The following CNTNAP2 variants were observed in gnomAD, a reference collection of about 807,000 sequenced individuals.
CNTNAP2 encodes contactin-associated protein-like 2.
Under a neutral mutation model 155.2 loss-of-function variants are expected in CNTNAP2, and 98 were observed. The observed-to-expected ratio is 0.63, with a 90% CI of 0.54 to 0.75. The LOEUF (loss-of-function observed/expected upper bound fraction) is 0.75. CNTNAP2 is among the 30% of genes least tolerant of loss of function. The pLI is 0.00. For missense variants in CNTNAP2, 1,727 were observed against 1,688.1 expected (o/e 1.02, Z -0.40); for synonymous variants, 651 against 631.2 (o/e 1.03, Z -0.47).
intron 2 of CNTNAP2, among the ~76,000 whole-genome samples, chr7:146,790,854 C>T (rs1003614209): frequency 2.0e-5 from 3 of 152,006 alleles, no homozygotes; most frequent in Middle Eastern, 3.2e-3. Context: ...CAGGCGTGAG[C>T]CACCACGCCT....
intron 10 of CNTNAP2, among the ~76,000 whole-genome samples, chr7:147,411,543 A>T (rs1157748389): frequency 6.6e-6 from 1 of 152,156 alleles, no homozygotes; most frequent in African/African-American, 2.4e-5. Flanking sequence ...GCGATCCGAG[A>T]CCCAGACTCA....
chr7:146,319,835 GGCTGTGTTGTCA>G (rs111715562), intron 1 of CNTNAP2, among the ~76,000 whole-genome samples: 10,031 of 152,114 alleles, frequency 0.066, 919 homozygotes, highest in African/African-American at 0.2. Flanking sequence ...GTTCGGGCAT[GGCTGTGTTGTCA>G]GCTGCTGACT....
In CNTNAP2 at chr7:146,444,904, G is replaced by A. The variant is rs533641951; in HGVS notation, c.97+327931G>A. ...ACTCCTGGCCTCAAGTAATCCACCCGCCTCGGCCTCCCAAAATGCTGGGAT... is the reference window on the plus strand; with the variant it reads ...ACTCCTGGCCTCAAGTAATCCACCCACCTCGGCCTCCCAAAATGCTGGGAT... On this transcript the variant is annotated intron_variant, in intron 1 of 23. Transcript: ENST00000361727. Among the ~76,000 whole-genome samples, 144 of 151,468 alleles carry A rather than the reference G, an allele frequency of 9.5e-4. 1 individual carries two copies. The highest frequency in any genetic ancestry group is 5.0e-3 in the South Asian group (24 of 4,772).
At chr7:146,721,181 ATATATATTCTCTATATATATTCTCTG>A (rs1801295413) in intron 1 of CNTNAP2, among the ~76,000 whole-genome samples, 1 of 132,616 alleles carries the variant, frequency 7.5e-6, no homozygotes, top group East Asian at 2.2e-4. Context: ...TATATTCCAT[ATATATATTCTCTATATATATTCTCTG>A]TATATATTCT....
intron 8 of CNTNAP2, among the ~76,000 whole-genome samples, chr7:147,144,893 A>C (rs1563092519): frequency 6.6e-6 from 1 of 152,160 alleles, no homozygotes; most frequent in Admixed American, 6.5e-5. Context: ...TGTGTGCAGG[A>C]GTACATGCAT....
At chr7:147,173,284 C>T (rs991277101) in intron 8 of CNTNAP2, among the ~76,000 whole-genome samples, 1 of 147,622 alleles carries the variant, frequency 6.8e-6, no homozygotes, top group South Asian at 2.1e-4. Context: ...CCAAGTCCTA[C>T]TTTTTTTTTT....
chr7:146,209,113 A>T (rs560423237), intron 1 of CNTNAP2, among the ~76,000 whole-genome samples: 1 of 152,240 alleles, frequency 6.6e-6, no homozygotes, highest in South Asian at 2.1e-4. Flanking sequence ...TCTGTAGGTG[A>T]TGCTGTCGCC....
At chr7:147,287,804 A>G (rs1399757949) in intron 8 of CNTNAP2, among the ~76,000 whole-genome samples, 2 of 152,072 alleles carry the variant, frequency 1.3e-5, no homozygotes, top group African/African-American at 4.8e-5. Flanking sequence ...TTACAGATCT[A>G]TTTCTCAAAC....
chr7:146,451,952 A>G (rs1302986660), intron 1 of CNTNAP2, among the ~76,000 whole-genome samples: 2 of 150,848 alleles, frequency 1.3e-5, no homozygotes, highest in African/African-American at 4.9e-5. Flanking sequence ...TCTGTCACCC[A>G]GGCTGGAGTG....
chr7:147,591,789 G>A (rs1167657638), intron 12 of CNTNAP2, among the ~76,000 whole-genome samples: 1 of 152,050 alleles, frequency 6.6e-6, no homozygotes, highest in Non-Finnish European at 1.5e-5. Context: ...TCAAAGAACT[G>A]CACCATCTGC....
At chr7:146,663,810 T>A (rs1800137663) in intron 1 of CNTNAP2, among the ~76,000 whole-genome samples, 5 of 152,200 alleles carry the variant, frequency 3.3e-5, no homozygotes, top group Admixed American at 3.3e-4. Context: ...AAGAAAATTT[T>A]ATGTTTGCTC....
chr7:146,329,794 G>T (rs1471504099), intron 1 of CNTNAP2, among the ~76,000 whole-genome samples: 1 of 151,962 alleles, frequency 6.6e-6, no homozygotes. Context: ...TAACTTGAAG[G>T]CATTCTATGT....
chr7:147,807,454 A>G (rs766324993), intron 13 of CNTNAP2, among the ~76,000 whole-genome samples: 17 of 152,150 alleles, frequency 1.1e-4, no homozygotes, highest in Non-Finnish European at 2.1e-4. Flanking sequence ...AAAATATTGC[A>G]TGTGTCCCAT....
intron 15 of CNTNAP2, among the ~76,000 whole-genome samples, chr7:148,052,940 G>A (rs527890311): frequency 3.3e-4 from 50 of 152,198 alleles, no homozygotes; most frequent in African/African-American, 9.9e-4. Flanking sequence ...CCAGCTACTC[G>A]GGAGGCTGAG....
chr7:147,485,794 T>C, intron 10 of CNTNAP2, 141 bp from the exon 11 acceptor site: 1 of 786,920 alleles, frequency 1.3e-6, no homozygotes, highest in African/African-American at 1.7e-5. Flanking sequence ...CATATTAATC[T>C]GCTTAAACTA....
chr7:146,715,364 C>A (rs1367843689), intron 1 of CNTNAP2, among the ~76,000 whole-genome samples: 1 of 152,080 alleles, frequency 6.6e-6, no homozygotes. Context: ...TCTATGGAGT[C>A]AAAGATACTG....
At chr7:146,815,245 A>G (rs1395522494) in intron 2 of CNTNAP2, among the ~76,000 whole-genome samples, 1 of 152,166 alleles carries the variant, frequency 6.6e-6, no homozygotes. Flanking sequence ...ATTCAGTAGA[A>G]GACATAAGTT....
At chr7:147,832,333 T>C (rs1365230544) in intron 13 of CNTNAP2, among the ~76,000 whole-genome samples, 2 of 146,554 alleles carry the variant, frequency 1.4e-5, no homozygotes, top group East Asian at 3.9e-4. Flanking sequence ...ATTATCTATA[T>C]TTATACATAT....
At chr7:146,450,149 T>C (rs1796458127) in intron 1 of CNTNAP2, among the ~76,000 whole-genome samples, 1 of 152,204 alleles carries the variant, frequency 6.6e-6, no homozygotes, top group African/African-American at 2.4e-5. Context: ...ACAAAGGTAA[T>C]AGTCATAATA....
Sources: allele counts gnomAD v4.1 joint callset (sites outside exome capture counted in the v4.1 genomes callset), GRCh38; gene constraint gnomAD v4.1.1; transcripts MANE v1.5; gene names NCBI Gene and HGNC (gene_info 2026-07-23, HGNC 2026-07-21).